The following PIK3CB variants were observed in gnomAD, a reference collection of about 807,000 sequenced individuals.
The protein encoded by PIK3CB is phosphatidylinositol-4,5-bisphosphate 3-kinase catalytic subunit beta.
PIK3CB carries 39 observed loss-of-function variants against 136.8 expected under a neutral mutation model. The ratio of observed to expected loss-of-function variants is 0.29; its 90% confidence interval spans 0.22 to 0.37. PIK3CB has a LOEUF of 0.37. PIK3CB is among the 10% of genes least tolerant of loss of function. The pLI is 1.00. For missense variants in PIK3CB, 868 were observed against 1,275.4 expected (o/e 0.68, Z 4.87); for synonymous variants, 428 against 436.6 (o/e 0.98, Z 0.25).
At chr3:138,781,168 T>C (rs1458564316) in intron 2 of PIK3CB, among the ~76,000 whole-genome samples, 1 of 152,022 alleles carries the variant, frequency 6.6e-6, no homozygotes, top group African/African-American at 2.4e-5. Flanking sequence ...GGTGCTCACC[T>C]GCAGCCCCAG....
chr3:138,811,358 A>T (rs1255434580), intron 1 of PIK3CB, among the ~76,000 whole-genome samples: 4 of 151,756 alleles, frequency 2.6e-5, no homozygotes, highest in African/African-American at 9.7e-5. Context: ...AATATAAACT[A>T]TATATTAGGT....
chr3:138,678,381 ATAAG>A (rs1362221138), intron 19 of PIK3CB, among the ~76,000 whole-genome samples: 3 of 152,298 alleles, frequency 2.0e-5, no homozygotes, highest in South Asian at 2.1e-4. Context: ...AATTTTTTTA[ATAAG>A]TAAGAATTTA....
intron 2 of PIK3CB, among the ~76,000 whole-genome samples, chr3:138,765,065 G>A (rs1343724939): frequency 6.6e-6 from 1 of 152,104 alleles, no homozygotes; most frequent in Admixed American, 6.5e-5. Flanking sequence ...AGTGGCTCCC[G>A]CCTATAATCC....
At chr3:138,660,493 T>C (rs555141785) in intron 21 of PIK3CB, among the ~76,000 whole-genome samples, 31 of 152,344 alleles carry the variant, frequency 2.0e-4, no homozygotes, top group Admixed American at 1.7e-3. Context: ...ATTTGGTTTC[T>C]ATCTTTCATG....
intron 19 of PIK3CB, among the ~76,000 whole-genome samples, chr3:138,680,344 C>T (rs1437091620): frequency 6.7e-6 from 1 of 148,980 alleles, no homozygotes; most frequent in Non-Finnish European, 1.5e-5. Context: ...GGTGACAGAG[C>T]GAGACTGTCT....
intron 10 of PIK3CB, chr3:138,707,646 T>A: frequency 1.6e-6 from 1 of 619,972 alleles, no homozygotes; most frequent in Non-Finnish European, 2.0e-6. Context: ...ATGGACTTCT[T>A]AATCACATGT....
intron 19 of PIK3CB, among the ~76,000 whole-genome samples, chr3:138,679,351 G>C (rs2043713429): frequency 6.6e-6 from 1 of 151,924 alleles, no homozygotes; most frequent in Admixed American, 6.6e-5. Context: ...TACTGAGCTA[G>C]GGTCTTGCTC....
chr3:138,811,837 C>T (rs1275587916), intron 1 of PIK3CB, among the ~76,000 whole-genome samples: 1 of 151,940 alleles, frequency 6.6e-6, no homozygotes, highest in Non-Finnish European at 1.5e-5. Context: ...GCCTGTAATC[C>T]CAGCACTTTG....
rs547072954 is a variant in PIK3CB at position 138,805,493 on chromosome 3, AC to A, written c.-121-8927del. Among the ~76,000 whole-genome samples the A allele has an allele frequency of 8.9e-3, 1,343 of 150,730 alleles. 27 individuals are homozygous for A. Among genetic ancestry groups the A allele is most frequent in the African/African-American group, 0.03 (1,216 of 41,054 alleles). ...AGACCATCCTGGCTAACACGGTGAA[AC>A]CCCCGTCTCCAATAAAAATACAAAA... On this transcript the variant is annotated intron_variant, in intron 1 of 23. Coordinates refer to ENST00000674063, the MANE Select transcript of PIK3CB (RefSeq NM_006219.3).
intron 10 of PIK3CB, among the ~76,000 whole-genome samples, chr3:138,711,701 G>A (rs1225245827): frequency 6.6e-6 from 1 of 151,696 alleles, no homozygotes; most frequent in Non-Finnish European, 1.5e-5. Context: ...GTCCCATAGC[G>A]AGACTAGACA....
chr3:138,807,976 C>T (rs968680805), intron 1 of PIK3CB, among the ~76,000 whole-genome samples: 1 of 151,682 alleles, frequency 6.6e-6, no homozygotes, highest in African/African-American at 2.4e-5. Context: ...CTCATAAACT[C>T]GAGGGTTTTT....
chr3:138,801,658 C>G (rs2046177446), intron 1 of PIK3CB, among the ~76,000 whole-genome samples: 1 of 151,388 alleles, frequency 6.6e-6, no homozygotes, highest in Admixed American at 6.6e-5. Flanking sequence ...ATCAGGAGGT[C>G]AAGAGATCAT....
chr3:138,828,021 G>A (rs1040426004), intron 1 of PIK3CB, among the ~76,000 whole-genome samples: 1 of 151,730 alleles, frequency 6.6e-6, no homozygotes, highest in African/African-American at 2.4e-5. Flanking sequence ...AAAGGTACCT[G>A]ATAGAATAAT....
intron 8 of PIK3CB, among the ~76,000 whole-genome samples, chr3:138,733,018 C>T (rs1372429343): frequency 6.6e-6 from 1 of 151,170 alleles, no homozygotes; most frequent in Middle Eastern, 3.2e-3. Flanking sequence ...CTCTACTTTG[C>T]ACCTTTGAAT....
chr3:138,764,297 A>T (rs1368340555), intron 2 of PIK3CB, among the ~76,000 whole-genome samples: 3 of 151,024 alleles, frequency 2.0e-5, no homozygotes. Context: ...GAAAAAAAAA[A>T]AAAATTAGCC....
intron 2 of PIK3CB, among the ~76,000 whole-genome samples, chr3:138,767,517 A>C (rs2045748062): frequency 6.6e-6 from 1 of 152,116 alleles, no homozygotes; most frequent in African/African-American, 2.4e-5. Context: ...CCTTTGCCTT[A>C]GTTTTGACAG....
chr3:138,739,169 T>C (rs473388), intron 5 of PIK3CB, among the ~76,000 whole-genome samples: 91,208 of 152,046 alleles, frequency 0.6, 28,196 homozygotes, highest in East Asian at 0.99. Context: ...CCAGAGGCCG[T>C]GCACGCTGGC....
chr3:138,803,521 C>T (rs2046199239), intron 1 of PIK3CB, among the ~76,000 whole-genome samples: 1 of 152,154 alleles, frequency 6.6e-6, no homozygotes, highest in African/African-American at 2.4e-5. Context: ...TGGCCAGTAC[C>T]TTGATGCTTA....
Position 138,674,915 on chromosome 3 carries a change from G to C in PIK3CB, c.2504+7052C>G, listed in dbSNP as rs910518732. ...CACTAAAAGTACAAAAATTAGCCAG[G>C]AGTTGTAGTGGCCGCTTGTCATTAT... On this transcript the variant is annotated intron_variant, in intron 19 of 23. Transcript: ENST00000674063. Among the ~76,000 whole-genome samples the C allele has an allele frequency of 7.9e-5, 12 of 152,152 alleles. No individual in the cohort carries two copies. In the East Asian group the frequency reaches 1.6e-3, roughly 20 times the overall value.
Sources: gnomAD v4.1 joint callset for allele counts (sites outside exome capture counted in the v4.1 genomes callset) on GRCh38, gnomAD v4.1.1 for gene constraint, MANE v1.5 for transcripts, NCBI Gene and HGNC (gene_info 2026-07-23, HGNC 2026-07-21) for gene names.